Variants in SNX10 observed in about 807,000 individuals in gnomAD.
The protein encoded by SNX10 is sorting nexin-10.
In SNX10, 25 loss-of-function variants were observed where a neutral mutation model predicts 28.5. That is an observed-to-expected ratio of 0.88 (90% CI 0.64 to 1.22). The LOEUF is 1.22. Ranked by LOEUF, SNX10 falls within the 50% of genes most tolerant of loss-of-function variation. SNX10 has a pLI of 0.00. For missense variants in SNX10, 223 were observed against 242.6 expected (o/e 0.92, Z 0.54); for synonymous variants, 62 against 81.4 (o/e 0.76, Z 1.28).
chr7:26,294,334 A>G (rs1786031648), intron 1 of SNX10, among the ~76,000 whole-genome samples: 1 of 152,234 alleles, frequency 6.6e-6, no homozygotes, highest in South Asian at 2.1e-4. Flanking sequence ...AAATCTTGGT[A>G]TAATAATTTT....
At chr7:26,315,573 C>A (rs188122527) in intron 1 of SNX10, among the ~76,000 whole-genome samples, 9 of 151,648 alleles carry the variant, frequency 5.9e-5, no homozygotes, top group Admixed American at 5.3e-4. Context: ...GAGGCTGAGG[C>A]AGGAGAATGG....
chr7:26,358,805 G>GTTTTTTTTTTTTTTTTTTTTT lies in SNX10; in HGVS notation c.25-2151_25-2150insTTTTTTTTTTTTTTTTTTTTT, dbSNP rs35527687. Among the ~76,000 whole-genome samples, 26 of 100,102 alleles carry GTTTTTTTTTTTTTTTTTTTTT rather than the reference G, an allele frequency of 2.6e-4. 4 individuals are homozygous for GTTTTTTTTTTTTTTTTTTTTT. The highest frequency in any genetic ancestry group is 9.7e-4 in the African/African-American group (22 of 22,684). 65.7% of individuals were successfully genotyped at this position (100,102 alleles called of 152,430 possible). A position where few individuals can be genotyped will look rare whatever the true frequency, so the allele number is the denominator to read the frequency against. On this transcript the variant is annotated intron_variant, in intron 2 of 6. Coordinates refer to ENST00000338523, the MANE Select transcript of SNX10 (RefSeq NM_013322.3). ...GAGCATCACTATAGTGTTATCTTGT[G>GTTTTTTTTTTTTTTTTTTTTT]TTTTTTTTTTTTTTTTTTTGACCAA... is the stretch of plus-strand genomic sequence containing the variant.
intron 1 of SNX10, among the ~76,000 whole-genome samples, chr7:26,295,392 A>C (rs576436801): frequency 6.6e-6 from 1 of 152,232 alleles, no homozygotes; most frequent in South Asian, 2.1e-4. Context: ...AAAGTGCATT[A>C]TTCTGGGGGA....
At chr7:26,333,011 C>T (rs1196034523) in intron 1 of SNX10, among the ~76,000 whole-genome samples, 2 of 152,094 alleles carry the variant, frequency 1.3e-5, no homozygotes, top group Non-Finnish European at 2.9e-5. Flanking sequence ...AGTGGGAATC[C>T]TCCTGCTTTA....
At position 26,372,099 on chromosome 7, in the gene SNX10, G is replaced by A. The variant is rs369604861; in HGVS notation, c.524+66G>A. 3.2e-4 allele frequency: 330 copies of A among 1,031,184 alleles called. 2 individuals are homozygous for A. The East Asian group carries it at 3.6e-3, about 11-fold the overall frequency. 63.9% of individuals were successfully genotyped at this position (1,031,184 alleles called of 1,614,324 possible). A position where few individuals can be genotyped will look rare whatever the true frequency, so the allele number is the denominator to read the frequency against. On this transcript the variant is annotated intron_variant, in intron 6 of 6. Transcript: ENST00000338523. ...TAATACATAGTATGCACATATGCACGTGTATAGATATATATACACACTTCA... is the reference window on the plus strand; with the variant it reads ...TAATACATAGTATGCACATATGCACATGTATAGATATATATACACACTTCA...
chr7:26,351,693 G>C (rs1056833317), intron 2 of SNX10, among the ~76,000 whole-genome samples: 9 of 116,632 alleles, frequency 7.7e-5, no homozygotes, highest in South Asian at 5.9e-4. Context: ...GTCTCTCTCT[G>C]TCGCCCAGGC....
chr7:26,297,781 C>T (rs1330107965), intron 1 of SNX10, among the ~76,000 whole-genome samples: 26 of 152,082 alleles, frequency 1.7e-4, no homozygotes, highest in Non-Finnish European at 1.5e-5. Flanking sequence ...ACCTCTGCCG[C>T]CTCTCTCTCA....
chr7:26,373,111 T>C lies in SNX10; in HGVS notation c.*539T>C, dbSNP rs561454707. ...GTGTTAGACTGAAATATTTTAAGAGTATTTAACCTTTCCAGTATTCTGTTT... is the reference window on the plus strand; with the variant it reads ...GTGTTAGACTGAAATATTTTAAGAGCATTTAACCTTTCCAGTATTCTGTTT... On this transcript the variant is annotated 3_prime_UTR_variant, in exon 7 of 7. Transcript: ENST00000338523. The surrounding 1 kb of genome is among the most constrained non-coding windows in gnomAD (Gnocchi z 4.2). 3 of 152,356 alleles carry C rather than the reference T, an allele frequency of 2.0e-5. No homozygotes were observed. Among genetic ancestry groups the C allele is most frequent in the Non-Finnish European group, 4.4e-5 (3 of 68,044 alleles). The allele number at this position is 152,356 out of a possible 1,614,324, so 9.4% of individuals were successfully genotyped here.
chr7:26,346,317 CGGG>C, intron 1 of SNX10, 100 bp from the exon 2 acceptor site: 1 of 726,048 alleles, frequency 1.4e-6, no homozygotes, highest in Non-Finnish European at 2.5e-6. Flanking sequence ...GACTGTGGGG[CGGG>C]GGGGGCTCTG....
In SNX10 at chr7:26,373,412, T is replaced by A. The variant is rs1398644953; in HGVS notation, c.*840T>A. The A allele has an allele frequency of 6.6e-6, 1 of 152,096 alleles. No individual in the cohort carries two copies. The highest frequency in any genetic ancestry group is 2.4e-5 in the African/African-American group (1 of 41,454). 9.4% of individuals were successfully genotyped at this position (152,096 alleles called of 1,614,324 possible). A position where few individuals can be genotyped will look rare whatever the true frequency, so the allele number is the denominator to read the frequency against. ...AACTTTCAGTATCAGTGGTGGTTACTTATTACTTAAATCAGAGGAAGGATT... is the reference window on the plus strand; with the variant it reads ...AACTTTCAGTATCAGTGGTGGTTACATATTACTTAAATCAGAGGAAGGATT... On this transcript the variant is annotated 3_prime_UTR_variant, in exon 7 of 7. Transcript: ENST00000338523. This position sits in a 1 kb window ranked among gnomAD's most constrained non-coding sequence, Gnocchi z 4.2.
At chr7:26,308,805 G>A (rs1786699136) in intron 1 of SNX10, among the ~76,000 whole-genome samples, 1 of 152,100 alleles carries the variant, frequency 6.6e-6, no homozygotes, top group Non-Finnish European at 1.5e-5. Flanking sequence ...TTAAGTGGGG[G>A]CAGTCATTTG....
chr7:26,327,410 T>C (rs1296543372), intron 1 of SNX10, among the ~76,000 whole-genome samples: 1 of 152,220 alleles, frequency 6.6e-6, no homozygotes, highest in Non-Finnish European at 1.5e-5. Flanking sequence ...GTTAGTGTCT[T>C]CATCTGGAGT....
At chr7:26,322,537 C>T (rs901706725) in intron 1 of SNX10, among the ~76,000 whole-genome samples, 5 of 152,064 alleles carry the variant, frequency 3.3e-5, no homozygotes, top group African/African-American at 9.7e-5. Flanking sequence ...TTTAGGAACC[C>T]GTGTCGTAAG....
chr7:26,342,186 C>T (rs1445650139), intron 1 of SNX10, among the ~76,000 whole-genome samples: 1 of 152,072 alleles, frequency 6.6e-6, no homozygotes, highest in African/African-American at 2.4e-5. Flanking sequence ...GCCACCATAC[C>T]CGGCTGATTT....
At chr7:26,346,881 C>A (rs1380076064) in intron 2 of SNX10, among the ~76,000 whole-genome samples, 1 of 152,240 alleles carries the variant, frequency 6.6e-6, no homozygotes. Context: ...TGGTTTCATA[C>A]AACACTGGCA....
intron 1 of SNX10, among the ~76,000 whole-genome samples, chr7:26,302,846 T>G (rs1786429212): frequency 6.6e-6 from 1 of 152,076 alleles, no homozygotes; most frequent in African/African-American, 2.4e-5. Context: ...GCCCGGAGTT[T>G]GAGACCAGCA....
chr7:26,298,908 G>T (rs1176094848), intron 1 of SNX10, among the ~76,000 whole-genome samples: 2 of 152,156 alleles, frequency 1.3e-5, no homozygotes, highest in Non-Finnish European at 2.9e-5. Flanking sequence ...GTCCCATCAC[G>T]AGGGCCCCAC....
At chr7:26,365,484 C>T (rs1315244305) in intron 5 of SNX10, among the ~76,000 whole-genome samples, 1 of 152,222 alleles carries the variant, frequency 6.6e-6, no homozygotes, top group Non-Finnish European at 1.5e-5. Context: ...TCAAAAGGCA[C>T]TTCTTAAAAA....
At chr7:26,299,824 G>T (rs74790194) in intron 1 of SNX10, among the ~76,000 whole-genome samples, 1 of 152,168 alleles carries the variant, frequency 6.6e-6, no homozygotes, top group Non-Finnish European at 1.5e-5. Flanking sequence ...CCCTTTGGGA[G>T]GCTGAGGTGG....
Sources: allele counts gnomAD v4.1 joint callset (sites outside exome capture counted in the v4.1 genomes callset), GRCh38; gene constraint gnomAD v4.1.1; non-coding constraint Gnocchi (gnomAD v3.1); transcripts MANE v1.5; gene names NCBI Gene and HGNC (gene_info 2026-07-23, HGNC 2026-07-21).